Variants in DMBT1 observed in about 807,000 individuals in gnomAD.
DMBT1 encodes the protein scavenger receptor cysteine-rich domain-containing protein DMBT1.
DMBT1 carries 198 observed loss-of-function variants against 252.9 expected under a neutral mutation model. The ratio of observed to expected loss-of-function variants is 0.78; its 90% CI spans 0.70 to 0.88. The LOEUF (loss-of-function observed/expected upper bound fraction) is 0.88, where lower values mean the gene tolerates loss of function less well. Among genes scored for constraint, DMBT1 ranks in the 40% least tolerant of loss-of-function variants. The pLI, the probability that DMBT1 is intolerant of heterozygous loss-of-function variation, is 0.00. For synonymous variants in DMBT1, 990 were observed against 942.7 expected (o/e 1.05, Z -0.92); for missense variants, 2,432 against 2,404.7 (o/e 1.01, Z -0.24).
intron 52 of DMBT1, 123 bp from the exon 53 acceptor site, chr10:122,635,868 G>T: frequency 9.6e-7 from 1 of 1,038,532 alleles, no homozygotes; most frequent in South Asian, 1.5e-5. Context: ...GGAGACCTAT[G>T]ACTTTCATCG....
chr10:122,598,663 C>G, intron 25 of DMBT1, 111 bp from the exon 26 acceptor site: 2 of 1,571,490 alleles, frequency 1.3e-6, no homozygotes, highest in South Asian at 2.4e-5. Context: ...TCAAAGGTGA[C>G]TGCCTGCCCA....
chr10:122,561,873 T>C (rs1160580444), intron 1 of DMBT1, among the ~76,000 whole-genome samples: 3 of 147,368 alleles, frequency 2.0e-5, no homozygotes, highest in Non-Finnish European at 4.5e-5. Flanking sequence ...TCTCTTTCTC[T>C]TTATTGGGCA....
chr10:122,628,156 T>C (rs187473349), intron 46 of DMBT1, among the ~76,000 whole-genome samples: 1 of 152,276 alleles, frequency 6.6e-6, no homozygotes, highest in Admixed American at 6.5e-5. Flanking sequence ...GACCCAGCAG[T>C]TGTATTCCTA....
chr10:122,632,841 TC>T lies in DMBT1; in HGVS notation c.6368-19del. The T allele has an allele frequency of 1.2e-6, 2 of 1,613,386 alleles. No individual in the cohort carries two copies. Among genetic ancestry groups the T allele is most frequent in the South Asian group, 2.2e-5 (2 of 90,808 alleles). On this transcript the variant is annotated intron_variant, in intron 50 of 55. Coordinates refer to ENST00000338354, the MANE Select transcript of DMBT1 (RefSeq NM_001377530.1). ...AGGGATGCCAGAAAACTGATCCTGA[TC>T]TTTTCTTTTTGTCAACAGCTCCTTT...
Position 122,579,832 on chromosome 10 carries a change from A to G in DMBT1, c.934A>G (p.Ser312Gly). Residue 312 changes from serine to glycine, a missense_variant, in exon 10 of 56, where the codon AGC becomes GGC. Physicochemically the swap from Ser to Gly is moderately conservative, Grantham distance 56. Around this residue, in one of 3 missense-constraint regions of DMBT1, gnomAD observed 1,264 missense variants for 1,082.2 expected, o/e 1.17. Transcript: ENST00000338354. The part of the protein sequence containing the change: ...RCSGHESYLW[S>G]CPHNGWLTHN... ...CTCAGGACATGAGTCCTACCTGTGG[A>G]GCTGCCCCCACAATGGCTGGCTCAC... The G allele has an allele frequency of 3.7e-6, 6 of 1,613,610 alleles. No individual in the cohort carries two copies. The highest frequency in any genetic ancestry group is 5.1e-6 in the Non-Finnish European group (6 of 1,179,630).
At chr10:122,632,725 C>A in intron 50 of DMBT1, 136 bp from the exon 51 acceptor site, 1 of 1,143,518 alleles carries the variant, frequency 8.7e-7, no homozygotes, top group East Asian at 2.6e-5. Flanking sequence ...CAAGTGAGCT[C>A]CCCAAGGGCA....
At chr10:122,561,915 C>CTG in intron 1 of DMBT1, among the ~76,000 whole-genome samples, 2 of 151,178 alleles carry the variant, frequency 1.3e-5, no homozygotes, top group East Asian at 1.9e-4. Flanking sequence ...GTCTCTGTCT[C>CTG]TCTTTCTCTT....
chr10:122,600,668 G>C (rs1247584047), intron 27 of DMBT1, among the ~76,000 whole-genome samples: 1 of 152,202 alleles, frequency 6.6e-6, no homozygotes, highest in Non-Finnish European at 1.5e-5. Context: ...TTATCTGCCA[G>C]TGTCCGAGCC....
chr10:122,579,471 C>T, intron 9 of DMBT1, 107 bp from the exon 10 acceptor site: 5 of 1,581,140 alleles, frequency 3.2e-6, no homozygotes, highest in Non-Finnish European at 4.3e-6. Flanking sequence ...AGGTGACTGC[C>T]TGCCTAGGTG....
At chr10:122,576,758 G>T in intron 7 of DMBT1, 36 bp downstream of exon 7, 1 of 1,612,492 alleles carries the variant, frequency 6.2e-7, no homozygotes, top group Non-Finnish European at 8.5e-7. Flanking sequence ...TGGGTGTGGT[G>T]GCTCATGCCT....
Position 122,586,357 on chromosome 10 carries a change from G to A in DMBT1, c.1757G>A (p.Ser586Asn), listed in dbSNP as rs1334701842. The A allele has an allele frequency of 6.3e-7, 1 of 1,588,642 alleles. No individual in the cohort carries two copies. Among genetic ancestry groups the A allele is most frequent in the African/African-American group, 1.3e-5 (1 of 74,648 alleles). Reference protein sequence around the residue: ...NGWLSHNCGHSEDAGVICSGP... With the variant: ...NGWLSHNCGHNEDAGVICSGP... ...TGGCTCTCCCATAACTGTGGCCATAGTGAAGACGCTGGTGTCATCTGCTCA... is the reference window on the plus strand; with the variant it reads ...TGGCTCTCCCATAACTGTGGCCATAATGAAGACGCTGGTGTCATCTGCTCA... Residue 586 changes from serine (S) to asparagine (N), a missense_variant, in exon 16 of 56, where the codon AGT becomes AAT. By Grantham distance (46) the Ser-to-Asn change is conservative. This residue lies in a region of DMBT1 where 1,264 missense variants were observed against 1,082.2 expected (regional missense o/e 1.17). Coordinates refer to ENST00000338354, the MANE Select transcript of DMBT1 (RefSeq NM_001377530.1).
At chr10:122,617,178 C>T (rs1391794760) in intron 39 of DMBT1, 50 bp from the exon 40 acceptor site, 2 of 1,584,020 alleles carry the variant, frequency 1.3e-6, no homozygotes, top group Middle Eastern at 3.3e-4. Context: ...TGTTCTGTGC[C>T]TTTTCCCTTC....
intron 1 of DMBT1, among the ~76,000 whole-genome samples, chr10:122,564,640 T>TC (rs2097574627): frequency 6.6e-6 from 1 of 152,020 alleles, no homozygotes; most frequent in South Asian, 2.1e-4. Context: ...GTATTTTTTT[T>TC]TTTTAGCAAA....
intron 19 of DMBT1, among the ~76,000 whole-genome samples, 175 bp downstream of exon 19, chr10:122,591,692 G>T (rs1039855234): frequency 1.3e-5 from 2 of 148,528 alleles, no homozygotes; most frequent in Non-Finnish European, 3.0e-5. Flanking sequence ...GTGTTAGAGG[G>T]TGGAGGGTGT....
chr10:122,598,017 A>C lies in DMBT1; in HGVS notation c.2956+5A>C. On this transcript the variant is annotated splice_donor_5th_base_variant and intron_variant, in intron 25 of 55. Transcript: ENST00000338354. ...CCTTGCCTGCATCGACAGTAGGTAA[A>C]TATTCCTCTCGCCCCTCCCTAGGGC... The C allele has an allele frequency of 6.2e-7, 1 of 1,613,912 alleles. No individual in the cohort carries two copies. The highest frequency in any genetic ancestry group is 8.5e-7 in the Non-Finnish European group (1 of 1,179,850).
chr10:122,564,522 A>C (rs373098505), intron 1 of DMBT1, among the ~76,000 whole-genome samples: 2 of 17,270 alleles, frequency 1.2e-4, no homozygotes, highest in African/African-American at 2.7e-4. Context: ...GAATAATGAA[A>C]GAAAGTATGC....
At chr10:122,635,942 T>A in intron 52 of DMBT1, 49 bp from the exon 53 acceptor site, 2 of 1,604,448 alleles carry the variant, frequency 1.2e-6, no homozygotes, top group Non-Finnish European at 1.7e-6. Context: ...ACCCCCTGCG[T>A]CAAATTCTGG....
chr10:122,574,886 G>A (rs563600483), intron 6 of DMBT1, among the ~76,000 whole-genome samples: 1 of 152,202 alleles, frequency 6.6e-6, no homozygotes, highest in African/African-American at 2.4e-5. Context: ...TCTAGTGTCA[G>A]CTGGGAGTCA....
At chr10:122,600,203 T>C (rs1048780946) in intron 27 of DMBT1, 110 bp downstream of exon 27, 6 of 1,428,960 alleles carry the variant, frequency 4.2e-6, no homozygotes, top group Non-Finnish European at 4.7e-6. Context: ...GTGGGGCATA[T>C]TATTTCTACC....
Sources: allele counts gnomAD v4.1 joint callset (sites outside exome capture counted in the v4.1 genomes callset), GRCh38; gene constraint gnomAD v4.1.1; regional missense constraint gnomAD v4.1.1; transcripts MANE v1.5; gene names NCBI Gene and HGNC (gene_info 2026-07-23, HGNC 2026-07-21).